The following HTT variants were observed in gnomAD, a reference collection of about 807,000 sequenced individuals.
HTT encodes the protein huntingtin.
A neutral mutation model predicts 362.3 loss-of-function variants in HTT; 104 were observed. The observed-to-expected ratio is 0.29, with a 90% CI of 0.24 to 0.34. The LOEUF (loss-of-function observed/expected upper bound fraction) is 0.34, where lower values mean the gene tolerates loss of function less well. Ranked by LOEUF, HTT falls within the 10% of genes least tolerant of loss-of-function variation. The pLI, the probability that HTT is intolerant of heterozygous loss-of-function variation, is 1.00. For synonymous variants in HTT, 1,577 were observed against 1,548.7 expected, an observed-to-expected ratio of 1.02 and a Z score of -0.43; for missense variants, 3,301 against 3,928.6, an observed-to-expected ratio of 0.84 and a Z score of 4.27.
chr4:3,173,375 G>C (rs1718082321), intron 31 of HTT: 3 of 536,656 alleles, frequency 5.6e-6, no homozygotes. Flanking sequence ...AGAGGTGGGG[G>C]TAGAGGAGGA....
chr4:3,185,700 C>G (rs952541711), intron 37 of HTT, among the ~76,000 whole-genome samples: 2 of 152,168 alleles, frequency 1.3e-5, no homozygotes. Context: ...ATTGCTTGAG[C>G]TCAGGAGTTT....
chr4:3,176,382 T>C (rs1474088711), intron 33 of HTT, among the ~76,000 whole-genome samples: 1 of 152,214 alleles, frequency 6.6e-6, no homozygotes, highest in African/African-American at 2.4e-5. Flanking sequence ...GTTGGCCTGA[T>C]GCTTTCATCT....
intron 21 of HTT, among the ~76,000 whole-genome samples, chr4:3,136,981 C>T (rs1326221175): frequency 6.6e-6 from 1 of 150,998 alleles, no homozygotes; most frequent in Non-Finnish European, 1.5e-5. Flanking sequence ...TATCTCGGCT[C>T]ACTGCAACCT....
intron 3 of HTT, among the ~76,000 whole-genome samples, chr4:3,101,261 T>C (rs1714139742): frequency 6.6e-6 from 1 of 152,140 alleles, no homozygotes. Context: ...GTCTGAGGAC[T>C]GTAGGCCATG....
At chr4:3,102,309 A>G (rs994257590) in intron 3 of HTT, among the ~76,000 whole-genome samples, 1 of 152,244 alleles carries the variant, frequency 6.6e-6, no homozygotes, top group Non-Finnish European at 1.5e-5. Flanking sequence ...AGATTGTGAG[A>G]GACCATTCCC....
intron 37 of HTT, among the ~76,000 whole-genome samples, chr4:3,184,340 TG>T (rs1181099428): frequency 6.7e-6 from 1 of 148,494 alleles, no homozygotes; most frequent in Non-Finnish European, 1.5e-5. Context: ...GGGAAGGGAG[TG>T]AGGCCTGGTG....
At chr4:3,132,948 A>T in intron 18 of HTT, 37 bp downstream of exon 18, 1 of 1,410,154 alleles carries the variant, frequency 7.1e-7, no homozygotes, top group Non-Finnish European at 1.0e-6. Context: ...TTCTTCACTT[A>T]GTGGACATTT....
At chr4:3,094,848 G>T (rs2110150772) in intron 2 of HTT, among the ~76,000 whole-genome samples, 1 of 151,874 alleles carries the variant, frequency 6.6e-6, no homozygotes. Context: ...CCTCCCAGAC[G>T]GGGTGGCAGT....
In HTT at chr4:3,132,874, C is replaced by A; in HGVS notation, c.2456C>A (p.Ser819Tyr). 1 of 1,614,010 alleles carries A rather than the reference C, an allele frequency of 6.2e-7. No individual in the cohort carries two copies. Among genetic ancestry groups the A allele is most frequent in the Non-Finnish European group, 8.5e-7 (1 of 1,179,832 alleles). The change falls in exon 18 of 67, where the codon TCT becomes TAT. Residue 819 changes from serine to tyrosine, a missense_variant. This residue lies in a region of HTT where 2,316 missense variants were observed against 2,658.5 expected (regional missense o/e 0.87). Coordinates refer to ENST00000355072, the MANE Select transcript of HTT (RefSeq NM_001388492.1). ...PLLRKTLKDESSVTCKLACTA... is the reference protein window; with the variant it reads ...PLLRKTLKDEYSVTCKLACTA... ...CTGCGGAAAACACTGAAGGATGAGT[C>A]TTCTGTTACTTGCAAGTTAGCTTGT...
At chr4:3,189,937 G>T (rs971819549) in intron 40 of HTT, among the ~76,000 whole-genome samples, 11 of 152,156 alleles carry the variant, frequency 7.2e-5, no homozygotes, top group Admixed American at 2.6e-4. Context: ...GATCGCTTGA[G>T]CCCAGGAGGT....
At chr4:3,096,954 A>G (rs191498104) in intron 2 of HTT, among the ~76,000 whole-genome samples, 1 of 152,204 alleles carries the variant, frequency 6.6e-6, no homozygotes, top group East Asian at 1.9e-4. Flanking sequence ...CCCCATATCT[A>G]CAAAAAACAA....
At chr4:3,160,234 A>G (rs978158890) in intron 28 of HTT, 48 bp from the exon 29 acceptor site, 3 of 1,224,248 alleles carry the variant, frequency 2.5e-6, no homozygotes, top group Non-Finnish European at 3.5e-6. Context: ...ACATTATGAG[A>G]TCGTGACAGG....
chr4:3,167,482 T>A (rs1365314166), intron 29 of HTT, among the ~76,000 whole-genome samples: 1 of 151,910 alleles, frequency 6.6e-6, no homozygotes, highest in East Asian at 1.9e-4. Context: ...AAATACTATA[T>A]GTTTTAAATT....
intron 9 of HTT, among the ~76,000 whole-genome samples, chr4:3,121,995 G>A (rs1715318677): frequency 6.6e-6 from 1 of 152,216 alleles, no homozygotes; most frequent in African/African-American, 2.4e-5. Context: ...TTTAGGTGCT[G>A]AGAAATGAAA....
intron 25 of HTT, 53 bp downstream of exon 25, chr4:3,147,001 TA>T: frequency 6.4e-7 from 1 of 1,566,122 alleles, no homozygotes; most frequent in South Asian, 1.1e-5. Flanking sequence ...TTGATTTCCT[TA>T]GGGGGAATGG....
chr4:3,221,806 C>G lies in HTT; in HGVS notation c.7370-581C>G, dbSNP rs139170878. On this transcript the variant is annotated intron_variant, in intron 53 of 66. Coordinates refer to ENST00000355072, the MANE Select transcript of HTT (RefSeq NM_001388492.1). ...GATGTATTTTCACTGAATCCCCGTT[C>G]CTACCTTGATACACTCTTTTTAATC... Among the ~76,000 whole-genome samples, 770 of 152,348 alleles carry G rather than the reference C, an allele frequency of 5.1e-3. 7 individuals are homozygous for G. Among genetic ancestry groups the G allele is most frequent in the African/African-American group, 0.016 (668 of 41,578 alleles).
At chr4:3,222,895 C>T (rs550733745) in intron 54 of HTT, among the ~76,000 whole-genome samples, 1 of 152,124 alleles carries the variant, frequency 6.6e-6, no homozygotes, top group African/African-American at 2.4e-5. Context: ...GAAGTGTTCA[C>T]GTACATTACG....
chr4:3,087,360 A>G (rs977479961), intron 2 of HTT, among the ~76,000 whole-genome samples: 2 of 152,248 alleles, frequency 1.3e-5, no homozygotes, highest in African/African-American at 4.8e-5. Context: ...TAGGAACAGC[A>G]CAAGACAGTT....
At position 3,199,761 on chromosome 4, in the gene HTT, A is replaced by G; in HGVS notation, c.5398A>G (p.Thr1800Ala). 2 of 1,614,170 alleles carry G rather than the reference A, an allele frequency of 1.2e-6. No individual in the cohort carries two copies. Among genetic ancestry groups the G allele is most frequent in the South Asian group, 2.2e-5 (2 of 91,086 alleles). ...GMFRRITAAA[T>A]RLFRSDGCGG... ...GTTCCGGAGAATCACAGCAGCTGCC[A>G]CTAGGCTGTTCCGCAGTGATGGCTG... The change falls in exon 41 of 67, where the codon ACT becomes GCT. Residue 1800 changes from threonine to alanine, a missense_variant. Thr to Ala is a moderately conservative substitution (Grantham distance 58). Coordinates refer to ENST00000355072, the MANE Select transcript of HTT (RefSeq NM_001388492.1).
Sources: gnomAD v4.1 joint callset for allele counts (sites outside exome capture counted in the v4.1 genomes callset) on GRCh38, gnomAD v4.1.1 for gene constraint, gnomAD v4.1.1 regional missense constraint, MANE v1.5 for transcripts, NCBI Gene and HGNC (gene_info 2026-07-23, HGNC 2026-07-21) for gene names.